OR51B5: variants seen among roughly 807,000 people sequenced by gnomAD.
OR51B5 encodes olfactory receptor 51B5.
For missense variants in OR51B5, 456 were observed against 374.6 expected (o/e 1.22, Z -1.79); for synonymous variants, 186 against 144.8 (o/e 1.28, Z -2.04).
In OR51B5 at chr11:5,440,749, G is replaced by T. The variant is rs141506097; in HGVS notation, n.84+64820C>A. On this transcript the variant is annotated intron_variant and non_coding_transcript_variant, in intron 1 of 4. Coordinates refer to the OR51B5 transcript ENST00000415970. ...TGAATCATGGAGACAGCAATTATGG[G>T]CACATAAAAGGCCAGCACTGCACAG... The T allele has an allele frequency of 9.9e-5, 160 of 1,613,838 alleles. No homozygotes were observed. The highest frequency in any genetic ancestry group is 1.6e-4 in the Middle Eastern group (1 of 6,082).
upstream of OR51B5, among the ~76,000 whole-genome samples, chr11:5,343,948 C>T (rs1291472839): frequency 6.6e-6 from 1 of 152,190 alleles, no homozygotes; most frequent in Non-Finnish European, 1.5e-5. Flanking sequence ...TAATTGCCTT[C>T]ACAGTAGTGA....
intron 1 of OR51B5, among the ~76,000 whole-genome samples, chr11:5,439,329 T>G (rs1589996291): frequency 6.6e-6 from 1 of 152,100 alleles, no homozygotes; most frequent in Admixed American, 6.6e-5. Context: ...CATGGAGATA[T>G]TAAGGTTATA....
chr11:5,423,775 A>T (rs1352553663), intron 1 of OR51B5, among the ~76,000 whole-genome samples: 2 of 152,208 alleles, frequency 1.3e-5, no homozygotes, highest in African/African-American at 4.8e-5. Context: ...TCAGCAAGCA[A>T]AATAAACATA....
At chr11:5,477,752 G>T (rs1007524408) in intron 1 of OR51B5, among the ~76,000 whole-genome samples, 1 of 152,152 alleles carries the variant, frequency 6.6e-6, no homozygotes, top group African/African-American at 2.4e-5. Flanking sequence ...AGGGGTGACG[G>T]ACGCACCTGG....
intron 1 of OR51B5, among the ~76,000 whole-genome samples, chr11:5,398,879 C>G (rs1418734088): frequency 6.6e-6 from 1 of 152,136 alleles, no homozygotes. Context: ...ATTAAACCTC[C>G]TTTGTTAATA....
At chr11:5,430,683 G>A (rs1364879653) in intron 1 of OR51B5, 1 of 455,524 alleles carries the variant, frequency 2.2e-6, no homozygotes. Flanking sequence ...AGGAAAACAA[G>A]GTGAGAATTC....
upstream of OR51B5, among the ~76,000 whole-genome samples, chr11:5,347,954 G>A (rs1849018527): frequency 6.6e-6 from 1 of 152,082 alleles, no homozygotes; most frequent in South Asian, 2.1e-4. Context: ...TGAGATACAT[G>A]ACTATGGAAC....
At chr11:5,471,394 T>G (rs1250489086) in intron 1 of OR51B5, among the ~76,000 whole-genome samples, 4 of 151,948 alleles carry the variant, frequency 2.6e-5, no homozygotes, top group Non-Finnish European at 5.9e-5. Context: ...TCCCAGCACT[T>G]TGGGAGGCCG....
intron 1 of OR51B5, among the ~76,000 whole-genome samples, chr11:5,491,147 A>G (rs924725247): frequency 6.6e-6 from 1 of 152,230 alleles, no homozygotes; most frequent in Non-Finnish European, 1.5e-5. Context: ...CATTATGCTA[A>G]TGTGTAGGGT....
At position 5,424,831 on chromosome 11, in the gene OR51B5, A is replaced by C. The variant is rs2133763552; in HGVS notation, n.85-77921T>G. Reference sequence around the variant, plus strand: ...CCCATCTCTACTAAAAAATAGAAAAAATTAGCCGGGCGTGGTGGCGGGCGC... The same window carrying C: ...CCCATCTCTACTAAAAAATAGAAAACATTAGCCGGGCGTGGTGGCGGGCGC... On this transcript the variant is annotated intron_variant and non_coding_transcript_variant, in intron 1 of 4. Transcript: ENST00000415970. 1.9e-5 allele frequency among the ~76,000 whole-genome samples: 2 copies of C among 106,464 alleles called. 1 individual carries two copies. Among genetic ancestry groups the C allele is most frequent in the Non-Finnish European group, 4.4e-5 (2 of 45,434 alleles). The allele number at this position is 106,464 out of a possible 152,430, so 69.8% of individuals were successfully genotyped here.
chr11:5,498,789 T>C (rs1851684286), intron 1 of OR51B5, among the ~76,000 whole-genome samples: 2 of 152,218 alleles, frequency 1.3e-5, no homozygotes, highest in Non-Finnish European at 1.5e-5. Context: ...ACAGATTTAA[T>C]AGACAAACAT....
chr11:5,347,771 A>G (rs141404980), upstream of OR51B5, among the ~76,000 whole-genome samples: 663 of 152,078 alleles, frequency 4.4e-3, 4 homozygotes, highest in African/African-American at 0.015. Context: ...GGAAGGAGGT[A>G]GGGAGAGAGG....
chr11:5,409,892 G>A (rs1850118048), intron 1 of OR51B5, among the ~76,000 whole-genome samples: 1 of 131,130 alleles, frequency 7.6e-6, no homozygotes, highest in Non-Finnish European at 1.7e-5. Flanking sequence ...ATACACTGAA[G>A]TCAGTCAGAG....
At chr11:5,346,563 C>T (rs1564913669), upstream of OR51B5, among the ~76,000 whole-genome samples, 1 of 151,926 alleles carries the variant, frequency 6.6e-6, no homozygotes, top group Non-Finnish European at 1.5e-5. Flanking sequence ...CCTTCCTGTT[C>T]ATCTTTTAGA....
At chr11:5,468,727 G>A (rs775894711) in intron 1 of OR51B5, 4 of 456,466 alleles carry the variant, frequency 8.8e-6, no homozygotes, top group Non-Finnish European at 1.8e-5. Context: ...CACCCCTGGA[G>A]GCAATGGCCA....
intron 1 of OR51B5, among the ~76,000 whole-genome samples, chr11:5,483,564 AAG>A (rs1851458322): frequency 6.6e-6 from 1 of 151,720 alleles, no homozygotes; most frequent in Non-Finnish European, 1.5e-5. Flanking sequence ...TAAAAAAAAA[AAG>A]AAGAGAAAAG....
chr11:5,367,467 G>C (rs997348025), intron 1 of OR51B5, among the ~76,000 whole-genome samples: 1 of 152,146 alleles, frequency 6.6e-6, no homozygotes, highest in Admixed American at 6.5e-5. Context: ...TTTTCAGACC[G>C]CTTAGCGTAA....
downstream of OR51B5, chr11:5,342,547 G>A (rs1401090421): frequency 3.3e-6 from 5 of 1,531,050 alleles, no homozygotes; most frequent in Admixed American, 6.6e-5. Context: ...AAATATTAGA[G>A]TTTTTACATT....
chr11:5,445,516 C>T (rs933442564), intron 1 of OR51B5, among the ~76,000 whole-genome samples: 1 of 151,952 alleles, frequency 6.6e-6, no homozygotes, highest in African/African-American at 2.4e-5. Context: ...TTTTGAGCAA[C>T]ATTTTAGTCT....
Sources: gnomAD v4.1 joint callset for allele counts (sites outside exome capture counted in the v4.1 genomes callset) on GRCh38, gnomAD v4.1.1 for gene constraint, MANE v1.5 for transcripts, NCBI Gene and HGNC (gene_info 2026-07-23, HGNC 2026-07-21) for gene names.